CALR: variants seen among roughly 807,000 people sequenced by gnomAD.
CALR encodes the protein CRP55.
In CALR, 15 loss-of-function variants were observed where a neutral mutation model predicts 51.1. The ratio of observed to expected loss-of-function variants is 0.29; its 90% CI spans 0.20 to 0.45. The LOEUF is 0.45. CALR is among the 20% of genes least tolerant of loss of function. CALR has a pLI of 1.00. For missense variants in CALR, 477 were observed against 530.6 expected (o/e 0.90, Z 0.99); for synonymous variants, 239 against 205.9 (o/e 1.16, Z -1.38).
Position 12,939,861 on chromosome 19 carries a change from A to AT in CALR, c.398-180dup, listed in dbSNP as rs34384403. Among the ~76,000 whole-genome samples, 214 of 147,390 alleles carry AT rather than the reference A, an allele frequency of 1.5e-3. 2 individuals are homozygous for AT. The East Asian group carries it at 0.016, about 11-fold the overall frequency. ...GAGGATTTTGAGTTCTAGAGCACTG[A>AT]TTTTTTTTTTTTCTCCTTTAAACTT... On this transcript the variant is annotated intron_variant, in intron 3 of 8. Transcript: ENST00000316448.
At position 12,938,689 on chromosome 19, in the gene CALR, T is replaced by C. The variant is rs1397929746; in HGVS notation, c.10T>C (p.Ser4Pro). Reference sequence around the variant, plus strand: ...GCCCCCTCGGCCCGCCATGCTGCTATCCGTGCCGCTGCTGCTCGGCCTCCT... The same window carrying C: ...GCCCCCTCGGCCCGCCATGCTGCTACCCGTGCCGCTGCTGCTCGGCCTCCT... MLL[S>P]VPLLLGLLGL... is the part of the protein sequence containing the mutation. Residue 4 changes from serine to proline, a missense_variant, in exon 1 of 9, where the codon TCC (serine) becomes CCC (proline). Transcript: ENST00000316448. 1.2e-6 allele frequency: 2 copies of C among 1,610,538 alleles called. No homozygotes were observed. Among genetic ancestry groups the C allele is most frequent in the Non-Finnish European group, 1.7e-6 (2 of 1,178,900 alleles).
chr19:12,939,259 C>G (rs760783198), intron 2 of CALR, 24 bp downstream of exon 2: 1 of 1,544,304 alleles, frequency 6.5e-7, no homozygotes, highest in Non-Finnish European at 8.9e-7. Flanking sequence ...AGTGGGTGCT[C>G]AGATCCGGGA....
chr19:12,938,847 A>G, intron 1 of CALR, 77 bp downstream of exon 1: 3 of 1,152,142 alleles, frequency 2.6e-6, no homozygotes, highest in Non-Finnish European at 3.8e-6. Flanking sequence ...TGTCGCCCGT[A>G]ATTACCGTTT....
At chr19:12,943,241 C>T (rs1313797774) in intron 7 of CALR, 12 of 392,520 alleles carry the variant, frequency 3.1e-5, no homozygotes, top group East Asian at 1.8e-4. Context: ...CTTGCCACCA[C>T]GCCTGGCTGA....
intron 4 of CALR, 33 bp downstream of exon 4, chr19:12,940,180 TGGG>T: frequency 6.2e-7 from 1 of 1,611,538 alleles, no homozygotes; most frequent in South Asian, 1.1e-5. Flanking sequence ...ATGGCTGTCA[TGGG>T]GAGATTCAGA....
In CALR at chr19:12,940,430, A is replaced by T. The variant is rs1056862836; in HGVS notation, c.680A>T (p.Asp227Val). The T allele has an allele frequency of 1.9e-6, 3 of 1,614,038 alleles. No homozygotes were observed. Among genetic ancestry groups the T allele is most frequent in the Non-Finnish European group, 2.5e-6 (3 of 1,180,034 alleles). ...EDWDERAKID[D>V]PTDSKPEDWD... Reference sequence around the variant, plus strand: ...TGGGATGAGCGGGCCAAGATCGATGATCCCACAGACTCCAAGCCTGAGGTT... The same window carrying T: ...TGGGATGAGCGGGCCAAGATCGATGTTCCCACAGACTCCAAGCCTGAGGTT... The change falls in exon 5 of 9, where the codon GAT (aspartate) becomes GTT (valine). Residue 227 changes from aspartate to valine, a missense_variant. Asp to Val is a radical substitution (Grantham distance 152). Transcript: ENST00000316448.
rs546693081 is a variant in CALR, at chr19:12,939,156, C to T, written c.114C>T (p.Ile38=). The part of the protein sequence containing the change: ...LDGDGWTSRW[I]ESKHKSDFGK... ...TAGACGGGTGGACTTCCCGCTGGATCGAATCCAAACACAAGTCAGATTTTG... is the reference window on the plus strand; with the variant it reads ...TAGACGGGTGGACTTCCCGCTGGATTGAATCCAAACACAAGTCAGATTTTG... Residue 38 remains isoleucine, a synonymous_variant, in exon 2 of 9, where the codon ATC becomes ATT. Transcript: ENST00000316448. 2.5e-5 allele frequency: 41 copies of T among 1,609,612 alleles called. No homozygotes were observed. In the East Asian group the frequency reaches 8.0e-4, roughly 32 times the overall value.
chr19:12,940,380 T>C lies in CALR; in HGVS notation c.630T>C (p.Asp210=), dbSNP rs1198022644. 1 of 1,614,004 alleles carries C rather than the reference T, an allele frequency of 6.2e-7. No homozygotes were observed. Among genetic ancestry groups the C allele is most frequent in the East Asian group, 2.2e-5 (1 of 44,874 alleles). Reference sequence around the variant, plus strand: ...TCCTGCCACCCAAGAAGATAAAGGATCCTGATGCTTCAAAACCGGAAGACT... The same window carrying C: ...TCCTGCCACCCAAGAAGATAAAGGACCCTGATGCTTCAAAACCGGAAGACT... ...WDFLPPKKIK[D]PDASKPEDWD... Residue 210 remains aspartate, a synonymous_variant, in exon 5 of 9, where the codon GAT becomes GAC. Transcript: ENST00000316448.
chr19:12,941,628 C>T (rs995075948), intron 7 of CALR, among the ~76,000 whole-genome samples: 1 of 151,936 alleles, frequency 6.6e-6, no homozygotes, highest in African/African-American at 2.4e-5. Flanking sequence ...AGGCACCCCC[C>T]ACCATGCCTG....
chr19:12,938,799 C>T (rs771108945), intron 1 of CALR, 29 bp downstream of exon 1: 3 of 1,519,064 alleles, frequency 2.0e-6, no homozygotes, highest in East Asian at 2.3e-5. Context: ...TCGAGGCCGC[C>T]CCGACGACGC....
Position 12,943,838 on chromosome 19 carries a change from GGAT to G in CALR, c.1182_1184del (p.Asp394del). The G allele has an allele frequency of 6.4e-7, 1 of 1,572,934 alleles. No individual in the cohort carries two copies. Among genetic ancestry groups the G allele is most frequent in the Middle Eastern group, 1.9e-4 (1 of 5,386 alleles). Reference sequence around the variant, plus strand: ...AGGAGGATGATGAGGACAAAGATGAGGATGAGGAGGATGAGGAGGACAAGGAGG... The same window carrying G: ...AGGAGGATGATGAGGACAAAGATGAGGAGGAGGATGAGGAGGACAAGGAGG... On this transcript the variant is annotated inframe_deletion, in exon 9 of 9. Coordinates refer to ENST00000316448, the MANE Select transcript of CALR (RefSeq NM_004343.4).
At position 12,943,636 on chromosome 19, in the gene CALR, C is replaced by G. The variant is rs1971579563; in HGVS notation, c.1053+7C>G. 4 of 1,614,016 alleles carry G rather than the reference C, an allele frequency of 2.5e-6. No homozygotes were observed. Among genetic ancestry groups the G allele is most frequent in the Non-Finnish European group, 2.5e-6 (3 of 1,180,036 alleles). On this transcript the variant is annotated splice_region_variant and intron_variant, in intron 8 of 8. Coordinates refer to ENST00000316448, the MANE Select transcript of CALR (RefSeq NM_004343.4). The stretch of plus-strand genomic sequence containing the variant: ...GACGTGGGGCGTAACAAAGGTGAGG[C>G]CTGGTCCTGGTCCTGATGTCGGGGG...
Position 12,940,099 on chromosome 19 carries a change from C to T in CALR, c.444C>T (p.Phe148=). Reference sequence around the variant, plus strand: ...GCACCAAGAAGGTTCATGTCATCTTCAACTACAAGGGCAAGAACGTGCTGA... The same window carrying T: ...GCACCAAGAAGGTTCATGTCATCTTTAACTACAAGGGCAAGAACGTGCTGA... The part of the protein sequence containing the change: ...GPGTKKVHVI[F]NYKGKNVLIN... Residue 148 remains phenylalanine, a synonymous_variant, in exon 4 of 9, where the codon TTC becomes TTT. Coordinates refer to ENST00000316448, the MANE Select transcript of CALR (RefSeq NM_004343.4). 6.2e-7 allele frequency: 1 copy of T among 1,614,154 alleles called. No individual in the cohort carries two copies. The highest frequency in any genetic ancestry group is 8.5e-7 in the Non-Finnish European group (1 of 1,179,994).
intron 1 of CALR, 80 bp from the exon 2 acceptor site, chr19:12,939,054 C>T (rs1971507248): frequency 4.7e-6 from 4 of 858,512 alleles, no homozygotes; most frequent in South Asian, 2.9e-5. Flanking sequence ...TCCCCAGCAG[C>T]TTGTGGCTCT....
Position 12,944,138 on chromosome 19 carries a change from A to G in CALR, c.*225A>G. 1 of 633,296 alleles carries G rather than the reference A, an allele frequency of 1.6e-6. No individual in the cohort carries two copies. Among genetic ancestry groups the G allele is most frequent in the Non-Finnish European group, 2.5e-6 (1 of 397,138 alleles). The allele number at this position is 633,296 out of a possible 1,614,324, so 39.2% of individuals were successfully genotyped here. On this transcript the variant is annotated 3_prime_UTR_variant, in exon 9 of 9. Coordinates refer to ENST00000316448, the MANE Select transcript of CALR (RefSeq NM_004343.4). ...GGTATTTTATCTTTGATTCTCCTTC[A>G]GCCCTCACCCCTGGTTCTCATCTTT...
chr19:12,942,170 T>C (rs1971557602), intron 7 of CALR, among the ~76,000 whole-genome samples: 1 of 151,872 alleles, frequency 6.6e-6, no homozygotes, highest in Non-Finnish European at 1.5e-5. Flanking sequence ...CCATCCTGGC[T>C]AACATGGTGA....
Position 12,944,063 on chromosome 19 carries a change from C to G in CALR, c.*150C>G. The G allele has an allele frequency of 1.6e-6, 2 of 1,260,204 alleles. No individual in the cohort carries two copies. Among genetic ancestry groups the G allele is most frequent in the Non-Finnish European group, 2.2e-6 (2 of 894,480 alleles). The allele number at this position is 1,260,204 out of a possible 1,614,324, so 78.1% of individuals were successfully genotyped here. ...TGGATTTTGGTTTTGTTCCCCTCCT[C>G]CACTCTCCCCCACCCCCTCCCCGCC... On this transcript the variant is annotated 3_prime_UTR_variant, in exon 9 of 9. Transcript: ENST00000316448.
rs1276401921 is a variant in CALR, at chr19:12,943,815, G to A, written c.1156G>A (p.Glu386Lys). The stretch of plus-strand genomic sequence containing the variant: ...AGAGGAGGAGGAGGCAGAGGACAAG[G>A]AGGATGATGAGGACAAAGATGAGGA... ...RKEEEEAEDK[E>K]DDEDKDEDEE... The change falls in exon 9 of 9, where the codon GAG (glutamate) becomes AAG (lysine). Residue 386 changes from glutamate to lysine, a missense_variant. By Grantham distance (56) the Glu-to-Lys change is moderately conservative. Transcript: ENST00000316448. 1 of 1,581,334 alleles carries A rather than the reference G, an allele frequency of 6.3e-7. No homozygotes were observed.
Position 12,944,075 on chromosome 19 carries a change from A to G in CALR, c.*162A>G. 1 of 867,756 alleles carries G rather than the reference A, an allele frequency of 1.2e-6. No homozygotes were observed. Among genetic ancestry groups the G allele is most frequent in the Non-Finnish European group, 1.6e-6 (1 of 629,202 alleles). 53.8% of individuals were successfully genotyped at this position (867,756 alleles called of 1,614,324 possible). A position where few individuals can be genotyped will look rare whatever the true frequency, so the allele number is the denominator to read the frequency against. ...TTGTTCCCCTCCTCCACTCTCCCCC[A>G]CCCCCTCCCCGCCCTTTTTTTTTTT... On this transcript the variant is annotated 3_prime_UTR_variant, in exon 9 of 9. Transcript: ENST00000316448.
Sources: allele counts gnomAD v4.1 joint callset (sites outside exome capture counted in the v4.1 genomes callset), GRCh38; gene constraint gnomAD v4.1.1; transcripts MANE v1.5; gene names NCBI Gene and HGNC (gene_info 2026-07-23, HGNC 2026-07-21).